The following HSD17B12 variants were observed in gnomAD, a reference collection of about 807,000 sequenced individuals.
HSD17B12 encodes hydroxysteroid 17-beta dehydrogenase 12.
HSD17B12 carries 32 observed loss-of-function variants against 39.3 expected under a neutral mutation model. The observed-to-expected ratio is 0.81, with a 90% CI of 0.61 to 1.09. HSD17B12 has a LOEUF of 1.09. Ranked by LOEUF, HSD17B12 falls within the 50% of genes least tolerant of loss-of-function variation. The pLI is 0.00. For synonymous variants in HSD17B12, 150 were observed against 146.7 expected (o/e 1.02, Z -0.16); for missense variants, 342 against 382.9 (o/e 0.89, Z 0.89).
chr11:43,791,403 G>A (rs1950866381), intron 3 of HSD17B12, among the ~76,000 whole-genome samples: 1 of 152,044 alleles, frequency 6.6e-6, no homozygotes, highest in East Asian at 1.9e-4. Context: ...GTGGTGGTGG[G>A]TGCCTGTAAT....
chr11:43,835,687 A>G (rs967645373), intron 7 of HSD17B12, among the ~76,000 whole-genome samples: 2 of 152,162 alleles, frequency 1.3e-5, no homozygotes, highest in Non-Finnish European at 2.9e-5. Context: ...TATTAGTCTT[A>G]GATTTGTTTT....
chr11:43,625,429 A>G, the HSD17B12 span, among the ~76,000 whole-genome samples: 4 of 151,510 alleles, frequency 2.6e-5, no homozygotes, highest in Non-Finnish European at 3.0e-5. Flanking sequence ...GAATTAAAGT[A>G]ACAATAGATA....
intron 9 of HSD17B12, among the ~76,000 whole-genome samples, chr11:43,845,279 C>T (rs576517943): frequency 6.6e-6 from 1 of 152,346 alleles, no homozygotes; most frequent in East Asian, 1.9e-4. Context: ...CCACCACACC[C>T]AACCAGAATA....
intron 3 of HSD17B12, among the ~76,000 whole-genome samples, chr11:43,781,354 T>C (rs956629747): frequency 6.6e-6 from 1 of 152,116 alleles, no homozygotes; most frequent in African/African-American, 2.4e-5. Flanking sequence ...ACATGGAAGG[T>C]CATCTTTAGT....
chr11:43,621,696 G>GTGAGAC, the HSD17B12 span, among the ~76,000 whole-genome samples: 1 of 152,224 alleles, frequency 6.6e-6, no homozygotes, highest in Non-Finnish European at 1.5e-5. Context: ...AGATGACAGA[G>GTGAGAC]TGAGACCCTG....
chr11:43,658,285 G>C, the HSD17B12 span, among the ~76,000 whole-genome samples: 1 of 152,014 alleles, frequency 6.6e-6, no homozygotes, highest in African/African-American at 2.4e-5. Context: ...TTCTAGTTAT[G>C]CATTCGTCTA....
intron 1 of HSD17B12, among the ~76,000 whole-genome samples, chr11:43,682,457 G>A (rs898882218): frequency 1.3e-5 from 2 of 149,968 alleles, no homozygotes; most frequent in Non-Finnish European, 2.9e-5. Flanking sequence ...CAAGAGAATC[G>A]CTTGAACCCA....
the HSD17B12 span, among the ~76,000 whole-genome samples, chr11:43,566,749 C>T: frequency 2.4e-4 from 36 of 152,278 alleles, no homozygotes; most frequent in East Asian, 1.5e-3. Context: ...AGGCTGGTCT[C>T]GAACTCCTGA....
chr11:43,781,139 C>G (rs1388513879), intron 3 of HSD17B12, among the ~76,000 whole-genome samples: 1 of 152,188 alleles, frequency 6.6e-6, no homozygotes, highest in Admixed American at 6.5e-5. Context: ...AAAATTTCCT[C>G]TGAATTCACC....
chr11:43,573,588 T>G, the HSD17B12 span, among the ~76,000 whole-genome samples: 2 of 152,200 alleles, frequency 1.3e-5, no homozygotes, highest in Non-Finnish European at 2.9e-5. Context: ...TAGGACTAGA[T>G]TCTGGGTTTG....
intron 1 of HSD17B12, among the ~76,000 whole-genome samples, chr11:43,712,490 T>G (rs1950076875): frequency 6.6e-6 from 1 of 152,078 alleles, no homozygotes; most frequent in Non-Finnish European, 1.5e-5. Flanking sequence ...CAGAGATTTT[T>G]TTTTCTACTG....
intron 1 of HSD17B12, among the ~76,000 whole-genome samples, chr11:43,700,264 G>A (rs558137983): frequency 6.6e-6 from 1 of 151,386 alleles, no homozygotes; most frequent in Non-Finnish European, 1.5e-5. Context: ...ATATTTTTGG[G>A]GTACATGAGA....
chr11:43,622,985 T>C, the HSD17B12 span, among the ~76,000 whole-genome samples: 13 of 152,160 alleles, frequency 8.5e-5, no homozygotes, highest in African/African-American at 2.9e-4. Flanking sequence ...ACTTGATTAA[T>C]GATTAACAGG....
At chr11:43,732,993 C>T (rs1950283634) in intron 1 of HSD17B12, among the ~76,000 whole-genome samples, 1 of 152,180 alleles carries the variant, frequency 6.6e-6, no homozygotes, top group African/African-American at 2.4e-5. Context: ...ATGTCATTCT[C>T]AGTGGTGAAG....
At chr11:43,622,082 C>T in the HSD17B12 span, among the ~76,000 whole-genome samples, 1 of 152,150 alleles carries the variant, frequency 6.6e-6, no homozygotes, top group Admixed American at 6.6e-5. Context: ...AGCCTTTTCC[C>T]CTTTTGTCCA....
the HSD17B12 span, among the ~76,000 whole-genome samples, chr11:43,663,122 G>A: frequency 1.3e-5 from 2 of 152,130 alleles, no homozygotes; most frequent in Non-Finnish European, 2.9e-5. Flanking sequence ...CGATCTGCCT[G>A]CCCAGGTTAG....
At chr11:43,790,581 A>G (rs547987165) in intron 3 of HSD17B12, among the ~76,000 whole-genome samples, 1 of 152,324 alleles carries the variant, frequency 6.6e-6, no homozygotes, top group African/African-American at 2.4e-5. Flanking sequence ...CTAAGTGACT[A>G]AAGAGTGGGT....
intron 4 of HSD17B12, among the ~76,000 whole-genome samples, chr11:43,809,664 C>T (rs1951051585): frequency 6.6e-6 from 1 of 151,938 alleles, no homozygotes; most frequent in African/African-American, 2.4e-5. Context: ...ACTAAAACTA[C>T]AAAAAATTAG....
chr11:43,716,741 A>G (rs899397859), intron 1 of HSD17B12, among the ~76,000 whole-genome samples: 11 of 138,556 alleles, frequency 7.9e-5, no homozygotes, highest in Non-Finnish European at 8.0e-5. Flanking sequence ...TATATATTAT[A>G]CATATATATA....
Sources: allele counts gnomAD v4.1 joint callset (sites outside exome capture counted in the v4.1 genomes callset), GRCh38; gene constraint gnomAD v4.1.1; transcripts MANE v1.5; gene names NCBI Gene and HGNC (gene_info 2026-07-23, HGNC 2026-07-21).